LMX1A: variants seen among roughly 807,000 people sequenced by gnomAD.
LMX1A encodes the protein LIM homeobox transcription factor 1-alpha.
In LMX1A, 15 loss-of-function variants were observed where a neutral mutation model predicts 49.1. That is an observed-to-expected ratio of 0.31 (90% CI 0.20 to 0.47). The LOEUF (loss-of-function observed/expected upper bound fraction) is 0.47. Ranked by LOEUF, LMX1A falls within the 20% of genes least tolerant of loss-of-function variation. The pLI, the probability that LMX1A is intolerant of heterozygous loss-of-function variation, is 1.00. For missense variants in LMX1A, 372 were observed against 475.8 expected (o/e 0.78, Z 2.03); for synonymous variants, 167 against 185.7 (o/e 0.90, Z 0.82).
intron 3 of LMX1A, among the ~76,000 whole-genome samples, chr1:165,293,115 CA>C (rs532576590): frequency 3.0e-4 from 36 of 118,820 alleles, no homozygotes; most frequent in Admixed American, 4.4e-4. Flanking sequence ...GACTCCATCT[CA>C]AAAAAAAAAA....
At chr1:165,212,923 A>G (rs913278114) in intron 5 of LMX1A, 2 of 152,244 alleles carry the variant, frequency 1.3e-5, no homozygotes, top group Non-Finnish European at 2.9e-5. Flanking sequence ...ATCCTTAAAA[A>G]GCAGGGCGCT....
chr1:165,353,161 C>T lies in LMX1A; in HGVS notation c.178G>A (p.Val60Met). The change falls in exon 3 of 9, where the codon GTG becomes ATG. Residue 60 changes from valine (V) to methionine (M), a missense_variant. Around this residue, in one of 3 missense-constraint regions of LMX1A, gnomAD observed 199 missense variants for 244.0 expected, o/e 0.82. Coordinates refer to ENST00000342310, the MANE Select transcript of LMX1A (RefSeq NM_177398.4). ...LNDSFWHEQC[V>M]QCASCKEPLE... ...GGCTCTTTGCAGGAGGCGCACTGCACGCACTGCTCATGCCAGAAGCTGTCG... is the reference window on the plus strand; with the variant it reads ...GGCTCTTTGCAGGAGGCGCACTGCATGCACTGCTCATGCCAGAAGCTGTCG... 6.2e-7 allele frequency: 1 copy of T among 1,614,156 alleles called. No individual in the cohort carries two copies. The highest frequency in any genetic ancestry group is 8.5e-7 in the Non-Finnish European group (1 of 1,180,008).
intron 4 of LMX1A, among the ~76,000 whole-genome samples, chr1:165,233,124 C>T (rs1652293162): frequency 6.6e-6 from 1 of 152,226 alleles, no homozygotes; most frequent in African/African-American, 2.4e-5. Context: ...GCCATGAAGA[C>T]TCACACAATT....
intron 6 of LMX1A, among the ~76,000 whole-genome samples, chr1:165,208,448 A>G (rs1651191782): frequency 6.6e-6 from 1 of 152,188 alleles, no homozygotes; most frequent in South Asian, 2.1e-4. Context: ...TTAGGTAATA[A>G]GTGTGTGACT....
intron 4 of LMX1A, among the ~76,000 whole-genome samples, chr1:165,247,048 CTTTTTCTTTTT>C (rs1557862097): frequency 4.7e-5 from 1 of 21,424 alleles, no homozygotes; most frequent in Non-Finnish European, 8.0e-5. Context: ...ATCAGATCAG[CTTTTTCTTTTT>C]TTTTTTTTTT....
At chr1:165,319,942 G>T (rs149276087) in intron 3 of LMX1A, among the ~76,000 whole-genome samples, 1 of 152,170 alleles carries the variant, frequency 6.6e-6, no homozygotes, top group East Asian at 1.9e-4. Flanking sequence ...CAATCACATG[G>T]ACCACCAGCT....
chr1:165,213,314 A>G (rs558223887), intron 5 of LMX1A: 8 of 236,968 alleles, frequency 3.4e-5, no homozygotes, highest in South Asian at 1.5e-4. Flanking sequence ...GTGTTTTTAT[A>G]CTCTTTGCTT....
intron 3 of LMX1A, among the ~76,000 whole-genome samples, chr1:165,324,678 G>T (rs1338749490): frequency 6.6e-6 from 1 of 152,086 alleles, no homozygotes; most frequent in Non-Finnish European, 1.5e-5. Flanking sequence ...AATCCTAAAG[G>T]AGCATAGCTC....
At chr1:165,288,736 A>G (rs1654370603) in intron 3 of LMX1A, among the ~76,000 whole-genome samples, 1 of 152,216 alleles carries the variant, frequency 6.6e-6, no homozygotes, top group African/African-American at 2.4e-5. Context: ...GCTCACACAC[A>G]GGCTCAGGCG....
chr1:165,221,638 T>C (rs1294526013), intron 4 of LMX1A, among the ~76,000 whole-genome samples: 1 of 152,124 alleles, frequency 6.6e-6, no homozygotes, highest in Non-Finnish European at 1.5e-5. Flanking sequence ...GGCAGGGCAC[T>C]TCAGCTCAGA....
At chr1:165,327,130 C>T (rs1432149588) in intron 3 of LMX1A, among the ~76,000 whole-genome samples, 1 of 152,078 alleles carries the variant, frequency 6.6e-6, no homozygotes, top group African/African-American at 2.4e-5. Flanking sequence ...CCAGAAGTCA[C>T]CCTCTGGAGA....
At chr1:165,274,006 C>A (rs1029067992) in intron 3 of LMX1A, among the ~76,000 whole-genome samples, 5 of 152,214 alleles carry the variant, frequency 3.3e-5, no homozygotes, top group African/African-American at 1.2e-4. Flanking sequence ...TTCCTCACAG[C>A]CACCCTTTGA....
intron 3 of LMX1A, among the ~76,000 whole-genome samples, chr1:165,308,019 G>T (rs1377905586): frequency 6.6e-6 from 1 of 152,134 alleles, no homozygotes; most frequent in Non-Finnish European, 1.5e-5. Flanking sequence ...GCCAGAGAAG[G>T]GCTTCTGGAA....
intron 3 of LMX1A, among the ~76,000 whole-genome samples, chr1:165,292,293 C>T (rs1007799485): frequency 1.3e-5 from 2 of 152,024 alleles, no homozygotes; most frequent in African/African-American, 2.4e-5. Context: ...ACATGTCTTT[C>T]GCAGTAGCTC....
chr1:165,314,427 T>C (rs1440977700), intron 3 of LMX1A, among the ~76,000 whole-genome samples: 1 of 152,206 alleles, frequency 6.6e-6, no homozygotes, highest in Non-Finnish European at 1.5e-5. Flanking sequence ...GTCACCCTTT[T>C]CTGCCTTTAA....
At chr1:165,261,687 A>G (rs960761052) in intron 3 of LMX1A, among the ~76,000 whole-genome samples, 5 of 152,214 alleles carry the variant, frequency 3.3e-5, no homozygotes, top group African/African-American at 9.6e-5. Flanking sequence ...TATGCCTACA[A>G]TGGAATATTA....
At chr1:165,329,739 CT>C (rs1223627061) in intron 3 of LMX1A, among the ~76,000 whole-genome samples, 2 of 151,904 alleles carry the variant, frequency 1.3e-5, no homozygotes, top group Non-Finnish European at 2.9e-5. Context: ...TTAGTAAAAC[CT>C]ATCAGACTGT....
intron 3 of LMX1A, among the ~76,000 whole-genome samples, chr1:165,289,242 TA>T (rs36056880): frequency 0.7 from 103,876 of 147,760 alleles, 36,363 homozygotes; most frequent in East Asian, 0.82. Flanking sequence ...TGATTATTGA[TA>T]AAAAAAAAAA....
intron 3 of LMX1A, among the ~76,000 whole-genome samples, chr1:165,279,677 G>A (rs1003397107): frequency 2.0e-5 from 3 of 152,080 alleles, no homozygotes; most frequent in African/African-American, 4.8e-5. Flanking sequence ...ATGGCATAGG[G>A]CAAATTTATC....
Sources: gnomAD v4.1 joint callset for allele counts (sites outside exome capture counted in the v4.1 genomes callset) on GRCh38, gnomAD v4.1.1 for gene constraint, gnomAD v4.1.1 regional missense constraint, MANE v1.5 for transcripts, NCBI Gene and HGNC (gene_info 2026-07-23, HGNC 2026-07-21) for gene names.